CDKAL1: variants seen among roughly 807,000 people sequenced by gnomAD.
CDKAL1 encodes the protein CDKAL1 threonylcarbamoyladenosine tRNA methylthiotransferase.
A neutral mutation model predicts 68.2 loss-of-function variants in CDKAL1; 32 were observed. The observed-to-expected ratio is 0.47, with a 90% CI of 0.35 to 0.63. The LOEUF (loss-of-function observed/expected upper bound fraction) is 0.63. Among genes scored for constraint, CDKAL1 ranks in the 30% least tolerant of loss-of-function variants. The pLI, the probability that CDKAL1 is intolerant of heterozygous loss-of-function variation, is 0.00. For missense variants in CDKAL1, 606 were observed against 696.7 expected (o/e 0.87, Z 1.47); for synonymous variants, 234 against 244.3 (o/e 0.96, Z 0.39).
At chr6:21,012,322 T>G (rs1048271986) in intron 11 of CDKAL1, among the ~76,000 whole-genome samples, 1 of 152,126 alleles carries the variant, frequency 6.6e-6, no homozygotes, top group Admixed American at 6.5e-5. Flanking sequence ...TGGGGAGCAA[T>G]TAGCAGTCTT....
chr6:20,544,925 A>T (rs1050333784), intron 2 of CDKAL1, among the ~76,000 whole-genome samples: 1 of 151,338 alleles, frequency 6.6e-6, no homozygotes, highest in African/African-American at 2.4e-5. Context: ...AGCTCTCCCC[A>T]CTTGGCCTTT....
intron 10 of CDKAL1, among the ~76,000 whole-genome samples, chr6:20,996,824 G>T (rs396308): frequency 0.094 from 14,252 of 152,232 alleles, 769 homozygotes; most frequent in Middle Eastern, 0.16. Context: ...TATTTGGGAA[G>T]CACAATAAAA....
At chr6:20,556,751 A>G (rs190143428) in intron 4 of CDKAL1, among the ~76,000 whole-genome samples, 1 of 152,208 alleles carries the variant, frequency 6.6e-6, no homozygotes, top group Admixed American at 6.6e-5. Flanking sequence ...AAACATCCTG[A>G]CATAGGCCAG....
At chr6:20,730,886 A>AAGCAGCC (rs1772893414) in intron 5 of CDKAL1, among the ~76,000 whole-genome samples, 2 of 150,874 alleles carry the variant, frequency 1.3e-5, no homozygotes, top group Non-Finnish European at 2.9e-5. Context: ...TAAAGCAGGG[A>AAGCAGCC]AGCAGCCAGT....
intron 4 of CDKAL1, among the ~76,000 whole-genome samples, chr6:20,609,849 G>A (rs1766539621): frequency 6.6e-6 from 1 of 152,036 alleles, no homozygotes; most frequent in African/African-American, 2.4e-5. Flanking sequence ...TGTGTCATGA[G>A]GGTTCGTTGT....
At chr6:20,802,292 G>A (rs866941171) in intron 8 of CDKAL1, among the ~76,000 whole-genome samples, 4 of 126,516 alleles carry the variant, frequency 3.2e-5, no homozygotes, top group Admixed American at 1.6e-4. Context: ...GCAAGACTCC[G>A]TCTCAAAAAA....
chr6:20,593,664 C>A (rs1355415951), intron 4 of CDKAL1, among the ~76,000 whole-genome samples: 1 of 143,304 alleles, frequency 7.0e-6, no homozygotes, highest in Non-Finnish European at 1.5e-5. Context: ...GGTTATTTGT[C>A]TCTCTATCTC....
intron 11 of CDKAL1, among the ~76,000 whole-genome samples, chr6:21,034,158 C>G (rs568627887): frequency 2.7e-4 from 41 of 152,110 alleles, no homozygotes; most frequent in Non-Finnish European, 2.8e-4. Context: ...TAGAAAGAAG[C>G]AGGGACAAAA....
intron 4 of CDKAL1, among the ~76,000 whole-genome samples, chr6:20,562,445 A>C (rs1764303923): frequency 1.3e-5 from 2 of 152,092 alleles, no homozygotes; most frequent in Admixed American, 6.5e-5. Context: ...GATGAAATTA[A>C]ATCCATCAAA....
At chr6:20,690,674 T>A (rs1251249042) in intron 5 of CDKAL1, among the ~76,000 whole-genome samples, 4 of 152,186 alleles carry the variant, frequency 2.6e-5, no homozygotes, top group Non-Finnish European at 4.4e-5. Context: ...ACTATTTATA[T>A]TGTCTTTATT....
chr6:20,644,597 G>C (rs919076607), intron 4 of CDKAL1, among the ~76,000 whole-genome samples: 1 of 152,062 alleles, frequency 6.6e-6, no homozygotes, highest in African/African-American at 2.4e-5. Context: ...GGAGAATGGC[G>C]TGAACCCGGG....
intron 5 of CDKAL1, among the ~76,000 whole-genome samples, chr6:20,675,435 G>A (rs766359083): frequency 1.1e-4 from 17 of 152,108 alleles, no homozygotes; most frequent in Non-Finnish European, 2.1e-4. Context: ...CTGTATTTCT[G>A]TATGAAATTA....
intron 9 of CDKAL1, among the ~76,000 whole-genome samples, chr6:20,851,103 A>G (rs909919999): frequency 6.6e-6 from 1 of 151,852 alleles, no homozygotes; most frequent in Non-Finnish European, 1.5e-5. Context: ...AGACTGCTGC[A>G]TGTGAGTTTA....
intron 10 of CDKAL1, among the ~76,000 whole-genome samples, chr6:20,990,079 C>G (rs536182595): frequency 6.7e-4 from 102 of 152,068 alleles, no homozygotes; most frequent in Admixed American, 1.1e-3. Flanking sequence ...CCTGTCTCTA[C>G]TAAAAATACA....
At chr6:21,163,543 A>G (rs1221011388) in intron 13 of CDKAL1, among the ~76,000 whole-genome samples, 4 of 152,146 alleles carry the variant, frequency 2.6e-5, no homozygotes, top group African/African-American at 9.7e-5. Context: ...TCTTTAACCA[A>G]TCATCCAAAA....
At position 20,880,576 on chromosome 6, in the gene CDKAL1, T is replaced by C. The variant is rs183034553; in HGVS notation, c.742+34398T>C. Among the ~76,000 whole-genome samples the C allele has an allele frequency of 3.6e-3, 552 of 152,236 alleles. 3 individuals are homozygous for C. Among genetic ancestry groups the C allele is most frequent in the African/African-American group, 0.012 (479 of 41,560 alleles). On this transcript the variant is annotated intron_variant, in intron 9 of 15. Coordinates refer to ENST00000274695, the MANE Select transcript of CDKAL1 (RefSeq NM_017774.3). ...GGCCAAGAAACTACATTCTTTAAGTTATTATAATATTTAAATATATAAGTA... is the reference window on the plus strand; with the variant it reads ...GGCCAAGAAACTACATTCTTTAAGTCATTATAATATTTAAATATATAAGTA...
At chr6:20,659,065 A>G (rs1194866932) in intron 5 of CDKAL1, among the ~76,000 whole-genome samples, 2 of 152,044 alleles carry the variant, frequency 1.3e-5, no homozygotes, top group East Asian at 1.9e-4. Context: ...CCTGACCTCA[A>G]TCAAGTGATC....
At chr6:20,854,879 TAG>T (rs1424848257) in intron 9 of CDKAL1, among the ~76,000 whole-genome samples, 4 of 152,194 alleles carry the variant, frequency 2.6e-5, no homozygotes, top group Non-Finnish European at 5.9e-5. Flanking sequence ...CAGATAAGAA[TAG>T]AAAGTCCAAA....
intron 11 of CDKAL1, among the ~76,000 whole-genome samples, chr6:21,019,425 T>C (rs766092042): frequency 1.3e-5 from 2 of 152,232 alleles, no homozygotes; most frequent in Non-Finnish European, 2.9e-5. Flanking sequence ...CTTTTTTTTC[T>C]AATTAAGATC....
Sources: gnomAD v4.1 joint callset for allele counts (sites outside exome capture counted in the v4.1 genomes callset) on GRCh38, gnomAD v4.1.1 for gene constraint, MANE v1.5 for transcripts, NCBI Gene and HGNC (gene_info 2026-07-23, HGNC 2026-07-21) for gene names.